Variants in ADAP1 observed in about 807,000 individuals in gnomAD.
The protein encoded by ADAP1 is arf-GAP with dual PH domain-containing protein 1.
Under a neutral mutation model 54.9 loss-of-function variants are expected in ADAP1, and 31 were observed. That is an observed-to-expected ratio of 0.56 (90% CI 0.42 to 0.76). ADAP1 has a LOEUF of 0.76. ADAP1 is among the 30% of genes least tolerant of loss of function. ADAP1 has a pLI of 0.00. For missense variants in ADAP1, 535 were observed against 512.4 expected (o/e 1.04, Z -0.42); for synonymous variants, 313 against 202.6 (o/e 1.55, Z -4.63).
chr7:943,207 T>A (rs370649844), intron 1 of ADAP1, among the ~76,000 whole-genome samples: 282 of 13,582 alleles, frequency 0.021, no homozygotes, highest in Non-Finnish European at 0.024. Context: ...AGGAAGGGAG[T>A]GAGGAGGAGG....
chr7:906,501 AAG>A (rs1216502550), intron 4 of ADAP1, among the ~76,000 whole-genome samples: 4 of 19,038 alleles, frequency 2.1e-4, no homozygotes, highest in Admixed American at 6.3e-4. Context: ...GGAAAGGAGA[AAG>A]GGAGAAAGGA....
At chr7:904,721 A>G (rs148955469) in intron 5 of ADAP1, among the ~76,000 whole-genome samples, 2,646 of 152,310 alleles carry the variant, frequency 0.017, 36 homozygotes, top group Middle Eastern at 0.034. Context: ...CAGTCTCCCC[A>G]GGGTACCTCC....
At chr7:922,801 C>T (rs1413748202) in intron 3 of ADAP1, among the ~76,000 whole-genome samples, 2 of 151,410 alleles carry the variant, frequency 1.3e-5, no homozygotes, top group South Asian at 2.1e-4. Context: ...GTGGTGTTCA[C>T]GCCCCCGCCC....
intron 1 of ADAP1, among the ~76,000 whole-genome samples, chr7:939,569 A>G (rs938102624): frequency 6.7e-6 from 1 of 148,714 alleles, no homozygotes; most frequent in Non-Finnish European, 1.5e-5. Context: ...GGTGGCTCAC[A>G]CCTGTAATCC....
At chr7:935,189 T>G (rs1322656681) in intron 2 of ADAP1, 186 bp downstream of exon 2, 3 of 825,566 alleles carry the variant, frequency 3.6e-6, no homozygotes, top group Admixed American at 4.1e-5. Flanking sequence ...ACGGGGTGGG[T>G]GGAGCAGCCA....
chr7:922,503 C>T (rs1022522751), intron 3 of ADAP1, among the ~76,000 whole-genome samples: 2 of 152,200 alleles, frequency 1.3e-5, no homozygotes, highest in South Asian at 4.1e-4. Context: ...ATGGGAGACC[C>T]CTCCCCGCTT....
At chr7:936,293 C>T (rs943728389) in intron 1 of ADAP1, among the ~76,000 whole-genome samples, 1 of 152,118 alleles carries the variant, frequency 6.6e-6, no homozygotes, top group African/African-American at 2.4e-5. Context: ...CTCTGCCTCC[C>T]GGGTTCAAGC....
At chr7:911,611 CGGA>C (rs1430250893) in intron 4 of ADAP1, among the ~76,000 whole-genome samples, 5 of 102,374 alleles carry the variant, frequency 4.9e-5, no homozygotes, top group Non-Finnish European at 1.0e-4. Flanking sequence ...GGGGGTCCCA[CGGA>C]GGGCCAGGAA....
chr7:926,827 C>A lies in ADAP1; in HGVS notation c.214-183G>T. 1 of 752,392 alleles carries A rather than the reference C, an allele frequency of 1.3e-6. No individual in the cohort carries two copies. The highest frequency in any genetic ancestry group is 2.0e-6 in the Non-Finnish European group (1 of 491,938). 46.6% of individuals were successfully genotyped at this position (752,392 alleles called of 1,614,324 possible). The stretch of plus-strand genomic sequence containing the variant: ...GGGACACCATTTCTGAGTGATCGAC[C>A]CTCCCCTGGGACAGGGAAGGAGCCA... On this transcript the variant is annotated intron_variant, in intron 2 of 10. Coordinates refer to ENST00000265846, the MANE Select transcript of ADAP1 (RefSeq NM_006869.4). The surrounding 1 kb of genome is among the most constrained non-coding windows in gnomAD (Gnocchi z 4.6).
chr7:908,009 TC>T (rs1412853058), intron 4 of ADAP1, among the ~76,000 whole-genome samples: 3 of 152,110 alleles, frequency 2.0e-5, no homozygotes, highest in Admixed American at 6.5e-5. Context: ...CTGCTGAGCA[TC>T]CGTGGGCCTG....
At chr7:943,990 A>T (rs1847076770) in intron 1 of ADAP1, among the ~76,000 whole-genome samples, 1 of 152,012 alleles carries the variant, frequency 6.6e-6, no homozygotes, top group Admixed American at 6.5e-5. Flanking sequence ...ATCATGGCTC[A>T]CTGCAGCCTC....
intron 4 of ADAP1, among the ~76,000 whole-genome samples, chr7:906,719 G>GAGAAA (rs1845435819): frequency 1.3e-4 from 3 of 23,922 alleles, no homozygotes; most frequent in African/African-American, 4.8e-4. Context: ...CGGGACATCG[G>GAGAAA]GGACGGGACA....
At chr7:910,223 A>C (rs1845666438) in intron 4 of ADAP1, among the ~76,000 whole-genome samples, 1 of 151,708 alleles carries the variant, frequency 6.6e-6, no homozygotes, top group African/African-American at 2.4e-5. Flanking sequence ...GTGAAATCCG[A>C]GGAAACAGGA....
intron 4 of ADAP1, chr7:905,648 G>GAGAAAGGAGAAAGGA (rs141647614): frequency 3.4e-5 from 1 of 29,346 alleles, no homozygotes; most frequent in Non-Finnish European, 6.1e-5. Flanking sequence ...AAGGAGAAAG[G>GAGAAAGGAGAAAGGA]GAAAGGAGAA....
intron 3 of ADAP1, among the ~76,000 whole-genome samples, chr7:924,902 G>T (rs1271095908): frequency 6.6e-6 from 1 of 152,176 alleles, no homozygotes; most frequent in East Asian, 1.9e-4. Context: ...AGAGCCCGGG[G>T]CACGGCCAGG....
At chr7:902,381 C>A (rs1360298066) in intron 6 of ADAP1, among the ~76,000 whole-genome samples, 1 of 139,160 alleles carries the variant, frequency 7.2e-6, no homozygotes, top group African/African-American at 2.7e-5. Context: ...TGACTTGAAC[C>A]AGGGAGGCAA....
intron 1 of ADAP1, among the ~76,000 whole-genome samples, chr7:936,121 G>C (rs1428172645): frequency 6.6e-6 from 1 of 152,194 alleles, no homozygotes; most frequent in Non-Finnish European, 1.5e-5. Flanking sequence ...GGGATTCCAC[G>C]TCTCGATGTC....
Position 899,457 on chromosome 7 carries a change from T to C in ADAP1, c.829A>G (p.Met277Val), listed in dbSNP as rs1243204164. 1 of 1,613,190 alleles carries C rather than the reference T, an allele frequency of 6.2e-7. No homozygotes were observed. Among genetic ancestry groups the C allele is most frequent in the East Asian group, 2.2e-5 (1 of 44,870 alleles). ...TEGFRKRWFT[M>V]DDRRLMYFKD... is the part of the protein sequence containing the mutation. ...AAGTACATGAGCCTGCGGTCATCCATGGTGAACCAGCGCTTCCGGAAGCCT... is the reference window on the plus strand; with the variant it reads ...AAGTACATGAGCCTGCGGTCATCCACGGTGAACCAGCGCTTCCGGAAGCCT... The change falls in exon 9 of 11, where the codon ATG (methionine) becomes GTG (valine). Residue 277 changes from methionine to valine, a missense_variant. Transcript: ENST00000265846.
At chr7:931,430 G>A (rs1026276432) in intron 2 of ADAP1, among the ~76,000 whole-genome samples, 3 of 152,296 alleles carry the variant, frequency 2.0e-5, no homozygotes, top group South Asian at 2.1e-4. Flanking sequence ...AGGCTGCAGC[G>A]TGATGGGCCT....
Sources: allele counts gnomAD v4.1 joint callset (sites outside exome capture counted in the v4.1 genomes callset), GRCh38; gene constraint gnomAD v4.1.1; non-coding constraint Gnocchi (gnomAD v3.1); transcripts MANE v1.5; gene names NCBI Gene and HGNC (gene_info 2026-07-23, HGNC 2026-07-21).